The following SLC44A5 variants were observed in gnomAD, a reference collection of about 807,000 sequenced individuals.
SLC44A5 encodes choline transporter-like protein 5.
In SLC44A5, 57 loss-of-function variants were observed where a neutral mutation model predicts 101.8. The observed-to-expected ratio is 0.56, with a 90% CI of 0.45 to 0.70. The LOEUF is 0.70. Among genes scored for constraint, SLC44A5 ranks in the 30% least tolerant of loss-of-function variants. The pLI is 0.00. For missense variants in SLC44A5, 737 were observed against 853.1 expected, an observed-to-expected ratio of 0.86 and a Z score of 1.70; for synonymous variants, 281 against 290.9, an observed-to-expected ratio of 0.97 and a Z score of 0.35.
At chr1:75,522,361 A>ATT (rs1463065950) in intron 2 of SLC44A5, 1 of 149,422 alleles carries the variant, frequency 6.7e-6, no homozygotes, top group Non-Finnish European at 1.5e-5. Context: ...TTTTTTTAAA[A>ATT]AAAAAAAAAG....
chr1:75,658,248 A>AT, the SLC44A5 span, among the ~76,000 whole-genome samples: 6,899 of 151,532 alleles, frequency 0.046, 543 homozygotes, highest in African/African-American at 0.16. Context: ...TAATTTTTCT[A>AT]TTTTTTTTGT....
chr1:75,229,587 C>T (rs1647372447), intron 12 of SLC44A5, among the ~76,000 whole-genome samples: 1 of 152,128 alleles, frequency 6.6e-6, no homozygotes, highest in Admixed American at 6.6e-5. Context: ...CCCAAAAGAG[C>T]CCTCCTGCTA....
In SLC44A5 at chr1:75,278,193, A is replaced by G. The variant is rs185409636; in HGVS notation, c.176-3151T>C. Among the ~76,000 whole-genome samples the G allele has an allele frequency of 3.9e-5, 6 of 152,054 alleles. No homozygotes were observed. In the East Asian group the frequency reaches 1.2e-3, roughly 29 times the overall value. On this transcript the variant is annotated intron_variant, in intron 5 of 23. Transcript: ENST00000370859. ...CAAAGAAGAATATCTTAATTTTTATATTGGTTACATTTGAAATATTTTGTT... is the reference window on the plus strand; with the variant it reads ...CAAAGAAGAATATCTTAATTTTTATGTTGGTTACATTTGAAATATTTTGTT...
At position 75,266,053 on chromosome 1, in the gene SLC44A5, C is replaced by T. The variant is rs1435231462; in HGVS notation, c.260+8905G>A. Among the ~76,000 whole-genome samples the T allele has an allele frequency of 3.9e-5, 6 of 152,046 alleles. No homozygotes were observed. In the East Asian group the frequency reaches 9.6e-4, roughly 24 times the overall value. ...GTCGCTGTTTCATCTCTTTGGACACCGTAAAAACCCCTGGTGTTTCTCCTA... is the reference window on the plus strand; with the variant it reads ...GTCGCTGTTTCATCTCTTTGGACACTGTAAAAACCCCTGGTGTTTCTCCTA... On this transcript the variant is annotated intron_variant, in intron 6 of 23. Coordinates refer to ENST00000370859, the MANE Select transcript of SLC44A5 (RefSeq NM_001130058.2).
chr1:75,203,646 G>C lies in SLC44A5; in HGVS notation c.*81C>G. The C allele has an allele frequency of 6.8e-7, 1 of 1,460,964 alleles. No individual in the cohort carries two copies. Among genetic ancestry groups the C allele is most frequent in the South Asian group, 1.5e-5 (1 of 68,400 alleles). 90.5% of individuals were successfully genotyped at this position (1,460,964 alleles called of 1,614,324 possible). On this transcript the variant is annotated 3_prime_UTR_variant, in exon 24 of 24. Coordinates refer to ENST00000370859, the MANE Select transcript of SLC44A5 (RefSeq NM_001130058.2). ...TGAATACAGTGTTGCTAAACACAAA[G>C]CACTTATGAAACAAATGTTGCACAG... is the stretch of plus-strand genomic sequence containing the variant.
the SLC44A5 span, among the ~76,000 whole-genome samples, chr1:75,631,033 G>C: frequency 6.6e-6 from 1 of 152,108 alleles, no homozygotes; most frequent in Non-Finnish European, 1.5e-5. Context: ...GTCTATTTAG[G>C]GTATTTGTAC....
At chr1:75,292,528 TA>T (rs1387102190) in intron 5 of SLC44A5, among the ~76,000 whole-genome samples, 1 of 152,192 alleles carries the variant, frequency 6.6e-6, no homozygotes, top group African/African-American at 2.4e-5. Flanking sequence ...TGGATTATGA[TA>T]AAGAATACAC....
intron 12 of SLC44A5, among the ~76,000 whole-genome samples, chr1:75,231,432 A>G (rs1378544904): frequency 1.3e-5 from 2 of 152,200 alleles, no homozygotes; most frequent in Admixed American, 6.6e-5. Flanking sequence ...CCCTTCAGAC[A>G]GTTTACTTTC....
intron 7 of SLC44A5, among the ~76,000 whole-genome samples, chr1:75,243,670 C>T (rs1455606335): frequency 6.6e-6 from 1 of 152,042 alleles, no homozygotes; most frequent in African/African-American, 2.4e-5. Flanking sequence ...ACTTTCATAA[C>T]CATAACACAA....
At chr1:75,588,976 G>A (rs379463) in intron 1 of SLC44A5, among the ~76,000 whole-genome samples, 52,312 of 152,014 alleles carry the variant, frequency 0.34, 9,401 homozygotes, top group Non-Finnish European at 0.4. Context: ...AAAGAGAAAT[G>A]CCAGAGTTTC....
At chr1:75,288,236 G>T (rs1013129734) in intron 5 of SLC44A5, among the ~76,000 whole-genome samples, 33 of 151,980 alleles carry the variant, frequency 2.2e-4, no homozygotes, top group African/African-American at 7.3e-4. Flanking sequence ...ACACTTTCTA[G>T]GATTTTGGTA....
At chr1:75,514,126 T>C (rs1295195638) in intron 2 of SLC44A5, among the ~76,000 whole-genome samples, 1 of 152,058 alleles carries the variant, frequency 6.6e-6, no homozygotes, top group Non-Finnish European at 1.5e-5. Flanking sequence ...GTTACTGGAG[T>C]GGGCCATGAG....
intron 4 of SLC44A5, among the ~76,000 whole-genome samples, chr1:75,328,277 C>G (rs1388554647): frequency 6.6e-6 from 1 of 152,166 alleles, no homozygotes; most frequent in African/African-American, 2.4e-5. Flanking sequence ...AGCAAGACAG[C>G]CTGGGCAGAA....
intron 3 of SLC44A5, among the ~76,000 whole-genome samples, chr1:75,341,401 G>C (rs992223794): frequency 1.3e-5 from 2 of 152,120 alleles, no homozygotes; most frequent in African/African-American, 4.8e-5. Flanking sequence ...AGAATCCCTT[G>C]AACCCAGGAG....
chr1:75,383,876 G>T lies in SLC44A5; in HGVS notation c.52+12707C>A, dbSNP rs1317510748. Among the ~76,000 whole-genome samples the T allele has an allele frequency of 5.3e-5, 8 of 152,294 alleles. No homozygotes were observed. In the East Asian group the frequency reaches 9.7e-4, roughly 18 times the overall value. ...AGATCTCTCAGCAGAAACCCTACAA[G>T]CCAGGAGAGAGTGGGGGCCAATATT... On this transcript the variant is annotated intron_variant, in intron 3 of 23. Coordinates refer to ENST00000370859, the MANE Select transcript of SLC44A5 (RefSeq NM_001130058.2).
At chr1:75,506,209 T>C (rs1669245613) in intron 2 of SLC44A5, among the ~76,000 whole-genome samples, 1 of 152,200 alleles carries the variant, frequency 6.6e-6, no homozygotes, top group African/African-American at 2.4e-5. Flanking sequence ...CATTGGTCTG[T>C]ATGTCTGTTT....
the SLC44A5 span, among the ~76,000 whole-genome samples, chr1:75,693,853 G>A: frequency 1.9e-4 from 29 of 152,124 alleles, no homozygotes; most frequent in Non-Finnish European, 2.9e-5. Context: ...GTAAGATGAA[G>A]AATAAGAACT....
At chr1:75,262,014 A>T (rs1650557160) in intron 6 of SLC44A5, among the ~76,000 whole-genome samples, 1 of 152,200 alleles carries the variant, frequency 6.6e-6, no homozygotes, top group South Asian at 2.1e-4. Context: ...GCTATTCATG[A>T]CAAACCCACA....
At chr1:75,377,388 G>A (rs923105803) in intron 3 of SLC44A5, among the ~76,000 whole-genome samples, 2 of 38,420 alleles carry the variant, frequency 5.2e-5, no homozygotes, top group East Asian at 6.0e-4. Flanking sequence ...GCGGAAGGCC[G>A]CAGGGACCTC....
Sources: gnomAD v4.1 joint callset for allele counts (sites outside exome capture counted in the v4.1 genomes callset) on GRCh38, gnomAD v4.1.1 for gene constraint, MANE v1.5 for transcripts, NCBI Gene and HGNC (gene_info 2026-07-23, HGNC 2026-07-21) for gene names.